The following NUP214 variants were observed in gnomAD, a reference collection of about 807,000 sequenced individuals.
NUP214 encodes nuclear pore complex protein Nup214.
Under a neutral mutation model 196.2 loss-of-function variants are expected in NUP214, and 79 were observed. The ratio of observed to expected loss-of-function variants is 0.40; its 90% CI spans 0.34 to 0.49. The LOEUF (loss-of-function observed/expected upper bound fraction) is 0.49. Among genes scored for constraint, NUP214 ranks in the 20% least tolerant of loss-of-function variants. The pLI is 0.58. For synonymous variants in NUP214, 1,020 were observed against 990.5 expected (o/e 1.03, Z -0.56); for missense variants, 2,468 against 2,539.0 (o/e 0.97, Z 0.60).
chr9:131,151,751 A>T lies in NUP214; in HGVS notation c.2293A>T (p.Ile765Leu), dbSNP rs61756081. The T allele has an allele frequency of 7.4e-6, 12 of 1,611,448 alleles. No individual in the cohort carries two copies. The highest frequency in any genetic ancestry group is 1.0e-5 in the Non-Finnish European group (12 of 1,179,468). Residue 765 changes from isoleucine to leucine, a missense_variant, in exon 17 of 36, where the codon ATA becomes TTA. By Grantham distance (5) the Ile-to-Leu change is conservative (BLOSUM62 2). Coordinates refer to ENST00000359428, the MANE Select transcript of NUP214 (RefSeq NM_005085.4). ...CTTTTTCTAGTCGCTTCATGGAGAT[A>T]TAAGTAGCCTGAAAACAACTTTACT... ...KETTESLHGD[I>L]SSLKTTLLEG...
At chr9:131,206,148 C>CTTTTTCTTTTT (rs1834076537) in intron 30 of NUP214, among the ~76,000 whole-genome samples, 1 of 76,388 alleles carries the variant, frequency 1.3e-5, no homozygotes, top group African/African-American at 5.3e-5. Flanking sequence ...TTTCTTTTTT[C>CTTTTTCTTTTT]TTTTTTTTTT....
At chr9:131,162,097 G>A (rs538747508) in intron 18 of NUP214, among the ~76,000 whole-genome samples, 22 of 152,240 alleles carry the variant, frequency 1.4e-4, no homozygotes, top group African/African-American at 5.3e-4. Context: ...GCCCAGGGAA[G>A]CAAAAGATTA....
In NUP214 at chr9:131,198,854, G is replaced by A; in HGVS notation, c.5360G>A (p.Gly1787Glu). 6.2e-7 allele frequency: 1 copy of A among 1,614,116 alleles called. No individual in the cohort carries two copies. ...AGTAGCTCCAGTTCCTTCTCATTTG[G>A]ACAGTCTTCTCCCAACACAGGAGGG... The part of the protein sequence containing the change: ...STSSSSSFSF[G>E]QSSPNTGGGL... Residue 1787 changes from glycine (G) to glutamate (E), a missense_variant, in exon 29 of 36, where the codon GGA becomes GAA. Physicochemically the swap from Gly to Glu is moderately conservative, Grantham distance 98. Transcript: ENST00000359428.
At position 131,228,343 on chromosome 9, in the gene NUP214, G is replaced by T; in HGVS notation, c.6074+12G>T. 6.4e-7 allele frequency: 1 copy of T among 1,571,016 alleles called. No individual in the cohort carries two copies. The highest frequency in any genetic ancestry group is 2.4e-5 in the East Asian group (1 of 41,788). ...GCAGGAGGATTCGGGTAAGCCCCCT[G>T]GGGAGGGCCCTTGGGAACCCACACG... On this transcript the variant is annotated intron_variant, in intron 33 of 35. Transcript: ENST00000359428.
In NUP214 at chr9:131,198,092, C is replaced by T. The variant is rs1833843737; in HGVS notation, c.4598C>T (p.Thr1533Ile). ...CAGCTTCCCCAGGCTCCTCCGCAAA[C>T]TTCTGACTCTGTTAAAAAAGAACCT... Reference protein sequence around the residue: ...SAQLPQAPPQTSDSVKKEPVL... With the variant: ...SAQLPQAPPQISDSVKKEPVL... The change falls in exon 29 of 36, where the codon ACT becomes ATT. Residue 1533 changes from threonine (T) to isoleucine (I), a missense_variant. By Grantham distance (89) the Thr-to-Ile change is moderately conservative (BLOSUM62 -1). Coordinates refer to ENST00000359428, the MANE Select transcript of NUP214 (RefSeq NM_005085.4). The T allele has an allele frequency of 6.2e-7, 1 of 1,614,222 alleles. No homozygotes were observed. Among genetic ancestry groups the T allele is most frequent in the East Asian group, 2.2e-5 (1 of 44,882 alleles).
At chr9:131,188,548 A>G (rs1486279869) in intron 25 of NUP214, among the ~76,000 whole-genome samples, 2 of 152,250 alleles carry the variant, frequency 1.3e-5, no homozygotes, top group Non-Finnish European at 2.9e-5. Context: ...ATGGCATTTA[A>G]GCATTTAGCA....
At chr9:131,212,724 T>C (rs2131075394) in intron 30 of NUP214, among the ~76,000 whole-genome samples, 1 of 152,344 alleles carries the variant, frequency 6.6e-6, no homozygotes, top group Non-Finnish European at 1.5e-5. Context: ...CCTTACTCCT[T>C]ACACTATATT....
At chr9:131,215,149 G>C (rs887923190) in intron 30 of NUP214, 63 bp from the exon 31 acceptor site, 15 of 1,398,598 alleles carry the variant, frequency 1.1e-5, no homozygotes, top group African/African-American at 3.0e-5. Context: ...GCCCACGGAT[G>C]CAGCCTGCCA....
Position 131,232,309 on chromosome 9 carries a change from G to A in NUP214, c.6239+1G>A. 6.2e-7 allele frequency: 1 copy of A among 1,613,854 alleles called. No homozygotes were observed. Among genetic ancestry groups the A allele is most frequent in the Non-Finnish European group, 8.5e-7 (1 of 1,179,724 alleles). ...GGTTCAGCTTTGGGTCAAATAACTC[G>A]TAAGTATCCCCCTTTTTGAGTCTCA... On this transcript the variant is annotated splice_donor_variant, in intron 35 of 35. Coordinates refer to ENST00000359428, the MANE Select transcript of NUP214 (RefSeq NM_005085.4). LOFTEE classifies it high-confidence loss of function. This position sits in a 1 kb window ranked among gnomAD's most constrained non-coding sequence, Gnocchi z 5.1.
chr9:131,139,081 C>T (rs1465732255), intron 9 of NUP214, among the ~76,000 whole-genome samples, 200 bp from the exon 10 acceptor site: 1 of 152,054 alleles, frequency 6.6e-6, no homozygotes, highest in African/African-American at 2.4e-5. Context: ...ATTAACTTCC[C>T]ATTTGCTGGG....
intron 12 of NUP214, among the ~76,000 whole-genome samples, chr9:131,145,132 C>T (rs1832051769): frequency 6.6e-6 from 1 of 152,074 alleles, no homozygotes; most frequent in Non-Finnish European, 1.5e-5. Flanking sequence ...CCTTAACTCT[C>T]TCTGAACTGC....
intron 28 of NUP214, among the ~76,000 whole-genome samples, chr9:131,196,714 G>A (rs1183068994): frequency 6.6e-6 from 1 of 152,128 alleles, no homozygotes; most frequent in African/African-American, 2.4e-5. Context: ...TCAAATAGCT[G>A]ACTTAGTAGA....
At chr9:131,213,459 G>A (rs1043640417) in intron 30 of NUP214, among the ~76,000 whole-genome samples, 28 of 152,162 alleles carry the variant, frequency 1.8e-4, no homozygotes, top group African/African-American at 6.5e-4. Flanking sequence ...ATGGGCATGA[G>A]CCGCTGCACC....
At position 131,144,618 on chromosome 9, in the gene NUP214, TC is replaced by T. The variant is rs1313800456; in HGVS notation, c.1634del (p.Ser545TyrfsTer26). 6.2e-7 allele frequency: 1 copy of T among 1,614,192 alleles called. No homozygotes were observed. The highest frequency in any genetic ancestry group is 1.1e-5 in the South Asian group (1 of 91,078). ...GTCTCCTGTGGCTCCATCAGCTGCTTCATTCTCCTTTGGATCATCTGGTTTT... is the reference window on the plus strand; with the variant it reads ...GTCTCCTGTGGCTCCATCAGCTGCTTATTCTCCTTTGGATCATCTGGTTTT... ...AASPVAPSAA[S>X]FSFGSSGFKP... On this transcript the variant is annotated frameshift_variant, in exon 12 of 36. Coordinates refer to ENST00000359428, the MANE Select transcript of NUP214 (RefSeq NM_005085.4). LOFTEE classifies it high-confidence loss of function.
intron 28 of NUP214, among the ~76,000 whole-genome samples, chr9:131,196,406 G>A (rs547533120): frequency 5.9e-5 from 9 of 152,142 alleles, no homozygotes; most frequent in East Asian, 3.9e-4. Flanking sequence ...CGTGATCCAC[G>A]TGCCTTGGCC....
At chr9:131,223,715 A>ATTTG (rs1834630927) in intron 32 of NUP214, among the ~76,000 whole-genome samples, 2 of 14,096 alleles carry the variant, frequency 1.4e-4, no homozygotes, top group African/African-American at 2.9e-4. Flanking sequence ...TTTTATTTTT[A>ATTTG]TTTATTTATT....
In NUP214 at chr9:131,213,197, C is replaced by T. The variant is rs142225936; in HGVS notation, c.5593-2015C>T. Among the ~76,000 whole-genome samples the T allele has an allele frequency of 2.6e-3, 374 of 141,168 alleles. 4 individuals are homozygous for T. The highest frequency in any genetic ancestry group is 9.3e-3 in the African/African-American group (356 of 38,218). The allele number at this position is 141,168 out of a possible 152,430, so 92.6% of individuals were successfully genotyped here. Reference sequence around the variant, plus strand: ...AAATCACTTTTTTTTTTTTTTTTGACGGTGTTTCGCTCTTGTTGCCCAGAC... The same window carrying T: ...AAATCACTTTTTTTTTTTTTTTTGATGGTGTTTCGCTCTTGTTGCCCAGAC... On this transcript the variant is annotated intron_variant, in intron 30 of 35. Transcript: ENST00000359428.
chr9:131,229,642 G>C, intron 33 of NUP214: 1 of 489,158 alleles, frequency 2.0e-6, no homozygotes, highest in South Asian at 1.5e-5. Context: ...ATCTCCATAA[G>C]AGCCCATTAC....
chr9:131,166,928 C>T (rs912914708), intron 21 of NUP214: 6 of 152,130 alleles, frequency 3.9e-5, no homozygotes, highest in African/African-American at 1.4e-4. Context: ...AGACAACGCC[C>T]CTTATTCCTA....
Sources: allele counts gnomAD v4.1 joint callset (sites outside exome capture counted in the v4.1 genomes callset), GRCh38; gene constraint gnomAD v4.1.1; non-coding constraint Gnocchi (gnomAD v3.1); transcripts MANE v1.5; gene names NCBI Gene and HGNC (gene_info 2026-07-23, HGNC 2026-07-21).